ATP13A4: variants seen among roughly 807,000 people sequenced by gnomAD.
The protein encoded by ATP13A4 is ATPase 13A4, also known as probable cation-transporting ATPase 13A4.
Under a neutral mutation model 142.5 loss-of-function variants are expected in ATP13A4, and 114 were observed. The ratio of observed to expected loss-of-function variants is 0.80; its 90% CI spans 0.69 to 0.93. ATP13A4 has a LOEUF of 0.93. Ranked by LOEUF, ATP13A4 falls within the 40% of genes least tolerant of loss-of-function variation. The pLI is 0.00. For missense variants in ATP13A4, 1,392 were observed against 1,454.0 expected (o/e 0.96, Z 0.69); for synonymous variants, 488 against 514.8 (o/e 0.95, Z 0.70).
intron 22 of ATP13A4, 57 bp from the exon 23 acceptor site, chr3:193,438,641 G>T: frequency 6.8e-7 from 1 of 1,464,080 alleles, no homozygotes; most frequent in Non-Finnish European, 9.5e-7. Flanking sequence ...CTCTACTAAA[G>T]CCTCATAAGA....
chr3:193,469,324 T>G (rs1034839110), intron 9 of ATP13A4, among the ~76,000 whole-genome samples: 2 of 152,024 alleles, frequency 1.3e-5, no homozygotes, highest in Non-Finnish European at 2.9e-5. Context: ...GGACAATAAG[T>G]TGAGAAATTT....
intron 1 of ATP13A4, among the ~76,000 whole-genome samples, chr3:193,529,534 T>C (rs758076527): frequency 4.5e-4 from 69 of 152,254 alleles, no homozygotes; most frequent in Admixed American, 1.4e-3. Context: ...TCCTTCCCTT[T>C]TTCATGATGA....
chr3:193,523,572 T>G (rs1008706969), intron 1 of ATP13A4, among the ~76,000 whole-genome samples: 2 of 152,146 alleles, frequency 1.3e-5, no homozygotes, highest in Non-Finnish European at 2.9e-5. Context: ...AGCTTCAGAG[T>G]TGACAAACAC....
At chr3:193,529,760 A>C (rs2108701078) in intron 1 of ATP13A4, among the ~76,000 whole-genome samples, 1 of 152,334 alleles carries the variant, frequency 6.6e-6, no homozygotes, top group African/African-American at 2.4e-5. Context: ...TTTGTTTATA[A>C]GGAGCCTTAT....
chr3:193,533,804 T>G (rs1722450927), intron 1 of ATP13A4, among the ~76,000 whole-genome samples: 1 of 152,130 alleles, frequency 6.6e-6, no homozygotes, highest in Admixed American at 6.6e-5. Context: ...AGGATAGTGT[T>G]AGAGAAGGTC....
chr3:193,547,616 G>A (rs1353676283), intron 1 of ATP13A4, among the ~76,000 whole-genome samples: 1 of 152,080 alleles, frequency 6.6e-6, no homozygotes, highest in African/African-American at 2.4e-5. Flanking sequence ...TCCTTCTTCT[G>A]TGTTCCCACA....
chr3:193,498,862 T>C (rs1232643994), intron 3 of ATP13A4, among the ~76,000 whole-genome samples: 4 of 152,222 alleles, frequency 2.6e-5, no homozygotes, highest in Admixed American at 2.6e-4. Flanking sequence ...AAGAATATTA[T>C]AGTCATTATA....
At chr3:193,562,885 TAAAAATTA>T (rs951481195) in intron 2 of ATP13A4, among the ~76,000 whole-genome samples, 2 of 151,794 alleles carry the variant, frequency 1.3e-5, no homozygotes, top group African/African-American at 4.8e-5. Context: ...AAAATAACAA[TAAAAATTA>T]AAAAATCATA....
rs141591668 is a variant in ATP13A4, at chr3:193,457,168, G to A, written c.1762-15C>T. On this transcript the variant is annotated splice_polypyrimidine_tract_variant and intron_variant, in intron 15 of 29. Coordinates refer to ENST00000342695, the MANE Select transcript of ATP13A4 (RefSeq NM_032279.4). ...TCCACTGGGACCTGGTTGAGGGATG[G>A]GGAAAGGAGAGGAACATGCTGATAC... The A allele has an allele frequency of 1.9e-6, 3 of 1,612,646 alleles. No homozygotes were observed. Among genetic ancestry groups the A allele is most frequent in the African/African-American group, 1.3e-5 (1 of 75,000 alleles).
chr3:193,491,418 A>C lies in ATP13A4; in HGVS notation c.534-20T>G, dbSNP rs1021417416. The C allele has an allele frequency of 2.0e-5, 30 of 1,507,614 alleles. No individual in the cohort carries two copies. The highest frequency in any genetic ancestry group is 2.7e-5 in the Non-Finnish European group (29 of 1,084,214). 93.4% of individuals were successfully genotyped at this position (1,507,614 alleles called of 1,614,324 possible). On this transcript the variant is annotated intron_variant, in intron 5 of 29. Coordinates refer to ENST00000342695, the MANE Select transcript of ATP13A4 (RefSeq NM_032279.4). ...AACCTCCTATAGAAAGAAATCACAG[A>C]TCACTCTGTCACAAATAATAAAATT...
rs759326008 is a variant in ATP13A4 at position 193,470,883 on chromosome 3, C to T, written c.919G>A (p.Val307Met). ...CDAVLIEGSC[V>M]VDEGMLTGES... is the part of the protein sequence containing the mutation. ...CCTGTCAGCATGCCTTCATCCACCA[C>T]ACAGCTGCCTTCAATCAGAACGGCA... Residue 307 changes from valine (V) to methionine (M), a missense_variant, in exon 9 of 30, where the codon GTG (valine) becomes ATG (methionine). Transcript: ENST00000342695. The T allele has an allele frequency of 1.9e-6, 3 of 1,614,122 alleles. No individual in the cohort carries two copies. The highest frequency in any genetic ancestry group is 2.5e-6 in the Non-Finnish European group (3 of 1,180,040).
At chr3:193,569,047 T>C (rs1027215705) in intron 2 of ATP13A4, among the ~76,000 whole-genome samples, 1 of 152,128 alleles carries the variant, frequency 6.6e-6, no homozygotes, top group African/African-American at 2.4e-5. Context: ...GAGTATAGTA[T>C]AGAAAAGAAG....
chr3:193,448,864 A>T (rs1040674907), intron 17 of ATP13A4, among the ~76,000 whole-genome samples: 28 of 152,208 alleles, frequency 1.8e-4, no homozygotes, highest in African/African-American at 6.5e-4. Flanking sequence ...CTTTGCAGAA[A>T]ATGAGCTGAA....
chr3:193,448,770 A>G (rs937337953), intron 17 of ATP13A4, among the ~76,000 whole-genome samples: 15 of 152,264 alleles, frequency 9.9e-5, no homozygotes, highest in African/African-American at 3.6e-4. Context: ...AGAAGCGGAC[A>G]CAAAGGCTCT....
At chr3:193,509,473 G>A (rs1721031560) in intron 2 of ATP13A4, among the ~76,000 whole-genome samples, 1 of 152,202 alleles carries the variant, frequency 6.6e-6, no homozygotes, top group African/African-American at 2.4e-5. Context: ...ATATAAGGAA[G>A]GAAAGCCTGG....
chr3:193,407,484 A>G (rs1289408194), intron 28 of ATP13A4, 91 bp from the exon 29 acceptor site: 2 of 955,186 alleles, frequency 2.1e-6, no homozygotes, highest in African/African-American at 1.6e-5. Context: ...TTCCTAGGTT[A>G]TAAATCTCAT....
chr3:193,412,103 T>A lies in ATP13A4; in HGVS notation c.3208+75A>T, dbSNP rs945206414. The A allele has an allele frequency of 2.4e-5, 32 of 1,354,724 alleles. No individual in the cohort carries two copies. The African/African-American group carries it at 4.2e-4, about 18-fold the overall frequency. 83.9% of individuals were successfully genotyped at this position (1,354,724 alleles called of 1,614,324 possible). A position where few individuals can be genotyped will look rare whatever the true frequency, so the allele number is the denominator to read the frequency against. ...AGATAAGAATCAACTCTAAAGCTGT[T>A]CCCTAAGTGACCTGGACATGTCTGT... On this transcript the variant is annotated intron_variant, in intron 27 of 29. Coordinates refer to ENST00000342695, the MANE Select transcript of ATP13A4 (RefSeq NM_032279.4).
chr3:193,411,806 T>C (rs953239913), intron 27 of ATP13A4, among the ~76,000 whole-genome samples: 3 of 152,196 alleles, frequency 2.0e-5, no homozygotes, highest in Admixed American at 2.0e-4. Flanking sequence ...ATTGCCTTCA[T>C]GGCAAGAGAC....
At chr3:193,421,923 T>C (rs1715422262) in intron 25 of ATP13A4, among the ~76,000 whole-genome samples, 1 of 149,794 alleles carries the variant, frequency 6.7e-6, no homozygotes, top group South Asian at 2.1e-4. Context: ...AAAGTGGCAA[T>C]AGTAAGTCCT....
Sources: gnomAD v4.1 joint callset for allele counts (sites outside exome capture counted in the v4.1 genomes callset) on GRCh38, gnomAD v4.1.1 for gene constraint, MANE v1.5 for transcripts, NCBI Gene and HGNC (gene_info 2026-07-23, HGNC 2026-07-21) for gene names.